RNF149: variants seen among roughly 807,000 people sequenced by gnomAD.
The protein encoded by RNF149 is E3 ubiquitin-protein ligase RNF149.
Under a neutral mutation model 39.0 loss-of-function variants are expected in RNF149, and 21 were observed. The observed-to-expected ratio is 0.54, with a 90% CI of 0.38 to 0.77. RNF149 has a LOEUF of 0.77. Among genes scored for constraint, RNF149 ranks in the 30% least tolerant of loss-of-function variants. The pLI is 0.00. For synonymous variants in RNF149, 209 were observed against 213.6 expected, an observed-to-expected ratio of 0.98 and a Z score of 0.19; for missense variants, 493 against 534.9, an observed-to-expected ratio of 0.92 and a Z score of 0.77.
downstream of RNF149, chr2:101,272,883 C>T: frequency 1.7e-6 from 2 of 1,205,446 alleles, no homozygotes; most frequent in Non-Finnish European, 2.3e-6. Context: ...TTTCAGTTCT[C>T]TTTGGGATGC....
intron 3 of RNF149, among the ~76,000 whole-genome samples, chr2:101,290,054 C>CCTA: frequency 6.6e-6 from 1 of 152,192 alleles, no homozygotes; most frequent in East Asian, 1.9e-4. Flanking sequence ...GTGGTGTGTG[C>CCTA]CTGTAGTCCC....
intron 1 of RNF149, 111 bp from the exon 2 acceptor site, chr2:101,295,292 A>C: frequency 1.1e-6 from 1 of 914,032 alleles, no homozygotes. Flanking sequence ...TACATTAGAA[A>C]AATTCCATGG....
chr2:101,285,298 T>TC, intron 5 of RNF149, among the ~76,000 whole-genome samples: 1 of 152,174 alleles, frequency 6.6e-6, no homozygotes, highest in Non-Finnish European at 1.5e-5. Context: ...AATATATTTT[T>TC]CCCCTCTATG....
In RNF149 at chr2:101,276,279, G is replaced by A. The variant is rs1682340517; in HGVS notation, c.*959C>T. Reference sequence around the variant, plus strand: ...ACACTTAGCAGTCTCCAAAAGCTTTGCATTAGCCTGCTCCTTTGACCCAAA... The same window carrying A: ...ACACTTAGCAGTCTCCAAAAGCTTTACATTAGCCTGCTCCTTTGACCCAAA... On this transcript the variant is annotated 3_prime_UTR_variant, in exon 7 of 7. Coordinates refer to ENST00000295317, the MANE Select transcript of RNF149 (RefSeq NM_173647.4). The A allele has an allele frequency of 1.0e-6, 1 of 985,414 alleles. No homozygotes were observed. Among genetic ancestry groups the A allele is most frequent in the Non-Finnish European group, 1.2e-6 (1 of 829,908 alleles). 61.0% of individuals were successfully genotyped at this position (985,414 alleles called of 1,614,324 possible).
chr2:101,300,100 C>T (rs1683394420), intron 1 of RNF149, among the ~76,000 whole-genome samples: 1 of 152,182 alleles, frequency 6.6e-6, no homozygotes, highest in South Asian at 2.1e-4. Flanking sequence ...TAACAAAGAG[C>T]TACAGAAGTA....
At position 101,276,072 on chromosome 2, in the gene RNF149, AT is replaced by A; in HGVS notation, c.*1165del. The A allele has an allele frequency of 3.5e-6, 3 of 865,114 alleles. No individual in the cohort carries two copies. The highest frequency in any genetic ancestry group is 4.2e-6 in the Non-Finnish European group (3 of 720,356). 53.6% of individuals were successfully genotyped at this position (865,114 alleles called of 1,614,324 possible). A position where few individuals can be genotyped will look rare whatever the true frequency, so the allele number is the denominator to read the frequency against. ...ATCCTACATATGGCTATAAAAATAA[AT>A]TTATAATTTTAAAAATTGTTTTAAA... On this transcript the variant is annotated 3_prime_UTR_variant, in exon 7 of 7. Coordinates refer to ENST00000295317, the MANE Select transcript of RNF149 (RefSeq NM_173647.4).
intron 4 of RNF149, among the ~76,000 whole-genome samples, chr2:101,287,867 C>A (rs1682854863): frequency 6.6e-6 from 1 of 152,204 alleles, no homozygotes; most frequent in South Asian, 2.1e-4. Flanking sequence ...TAATTATATA[C>A]TGACTTGTGA....
Position 101,281,898 on chromosome 2 carries a change from TG to T in RNF149, c.1119del (p.Ser374AlafsTer13). 1 of 1,614,056 alleles carries T rather than the reference TG, an allele frequency of 6.2e-7. No individual in the cohort carries two copies. On this transcript the variant is annotated frameshift_variant, in exon 6 of 7. Transcript: ENST00000295317. LOFTEE classifies it high-confidence loss of function. ...TTTTCTCCTGCATCTCCTTTAAAGC[TG>T]GGATCACACTGTGGCTCAGATTCAG... ...SPAESEPQCD[P>X]SFKGDAGENT... is the part of the protein sequence containing the mutation.
chr2:101,292,626 C>T (rs1237427414), intron 3 of RNF149, among the ~76,000 whole-genome samples: 20 of 152,082 alleles, frequency 1.3e-4, no homozygotes, highest in Admixed American at 9.8e-4. Context: ...ATTAGCTGGG[C>T]GTGGTGGCAG....
chr2:101,294,090 A>T lies in RNF149; in HGVS notation c.712-8T>A, dbSNP rs754671445. The stretch of plus-strand genomic sequence containing the variant: ...AGTTTCTTTTCTATGGCTCTTGGGT[A>T]GGAAAATATTAATACAGTTATTGAA... On this transcript the variant is annotated splice_polypyrimidine_tract_variant and splice_region_variant and intron_variant, in intron 2 of 6. Transcript: ENST00000295317. 6 of 1,474,614 alleles carry T rather than the reference A, an allele frequency of 4.1e-6. No homozygotes were observed. The highest frequency in any genetic ancestry group is 5.7e-6 in the Non-Finnish European group (6 of 1,058,114). 91.3% of individuals were successfully genotyped at this position (1,474,614 alleles called of 1,614,324 possible). A position where few individuals can be genotyped will look rare whatever the true frequency, so the allele number is the denominator to read the frequency against.
intron 1 of RNF149, among the ~76,000 whole-genome samples, chr2:101,302,415 G>T (rs1448312785): frequency 6.6e-6 from 1 of 152,102 alleles, no homozygotes; most frequent in African/African-American, 2.4e-5. Flanking sequence ...CAAAACAAAC[G>T]TTTTTATGGT....
intron 1 of RNF149, among the ~76,000 whole-genome samples, chr2:101,305,583 A>G (rs1683622117): frequency 6.6e-6 from 1 of 152,136 alleles, no homozygotes; most frequent in Non-Finnish European, 1.5e-5. Flanking sequence ...ATATCTGGAG[A>G]CATCTTTGAT....
At chr2:101,274,271 G>A (rs1422988734), downstream of RNF149, among the ~76,000 whole-genome samples, 2 of 152,148 alleles carry the variant, frequency 1.3e-5, no homozygotes, top group Admixed American at 6.5e-5. Flanking sequence ...ACTGGGAAAC[G>A]TTCACGCTGG....
chr2:101,274,124 G>C (rs952508245), downstream of RNF149, among the ~76,000 whole-genome samples: 1 of 151,190 alleles, frequency 6.6e-6, no homozygotes, highest in Admixed American at 6.6e-5. Context: ...TCTTCTTGCT[G>C]ATTGCTGATC....
chr2:101,296,724 G>T (rs1362874897), intron 1 of RNF149, among the ~76,000 whole-genome samples: 1 of 151,920 alleles, frequency 6.6e-6, no homozygotes, highest in Non-Finnish European at 1.5e-5. Flanking sequence ...CTAAATTAAA[G>T]ACTTAAGTGT....
At chr2:101,275,109 CTG>C, downstream of RNF149, among the ~76,000 whole-genome samples, 1 of 82,468 alleles carries the variant, frequency 1.2e-5, no homozygotes, top group South Asian at 4.3e-4. Flanking sequence ...CCTAGTATTT[CTG>C]TTTTTTTTTT....
At chr2:101,299,651 A>C (rs1175994055) in intron 1 of RNF149, among the ~76,000 whole-genome samples, 1 of 152,232 alleles carries the variant, frequency 6.6e-6, no homozygotes, top group Non-Finnish European at 1.5e-5. Flanking sequence ...TTCCCACCTC[A>C]GTTAAAAGCT....
Position 101,306,833 on chromosome 2 carries a change from C to T in RNF149, c.460+1296G>A, listed in dbSNP as rs138564328. On this transcript the variant is annotated intron_variant, in intron 1 of 6. Coordinates refer to ENST00000295317, the MANE Select transcript of RNF149 (RefSeq NM_173647.4). ...GGCAAATCCAAGGTTATTTTTCTGT[C>T]CTCACTTCACTGTTAGGACCTGAAC... 1.9e-3 allele frequency among the ~76,000 whole-genome samples: 282 copies of T among 152,316 alleles called. 1 individual carries two copies. Among genetic ancestry groups the T allele is most frequent in the African/African-American group, 6.5e-3 (269 of 41,560 alleles).
Position 101,277,305 on chromosome 2 carries a change from C to G in RNF149, c.1160-24G>C, listed in dbSNP as rs201109751. The G allele has an allele frequency of 2.2e-5, 36 of 1,605,906 alleles. No homozygotes were observed. In the East Asian group the frequency reaches 7.8e-4, roughly 35 times the overall value. ...TTCTGCAAGAGAGCAACATAAGCTA[C>G]TCCATCAGAAGAGGGCAGCATATTC... On this transcript the variant is annotated intron_variant, in intron 6 of 6. Coordinates refer to ENST00000295317, the MANE Select transcript of RNF149 (RefSeq NM_173647.4).
Sources: gnomAD v4.1 joint callset for allele counts (sites outside exome capture counted in the v4.1 genomes callset) on GRCh38, gnomAD v4.1.1 for gene constraint, MANE v1.5 for transcripts, NCBI Gene and HGNC (gene_info 2026-07-23, HGNC 2026-07-21) for gene names.